Variants in CNP observed in about 807,000 individuals in gnomAD.
CNP encodes the protein 2',3'-cyclic-nucleotide 3'-phosphodiesterase.
A neutral mutation model predicts 37.9 loss-of-function variants in CNP; 8 were observed. That is an observed-to-expected ratio of 0.21 (90% CI 0.12 to 0.38). CNP has a LOEUF of 0.38. Ranked by LOEUF, CNP falls within the 10% of genes least tolerant of loss-of-function variation. The pLI is 1.00. For synonymous variants in CNP, 237 were observed against 238.3 expected (o/e 0.99, Z 0.05); for missense variants, 457 against 551.0 (o/e 0.83, Z 1.71).
intron 1 of CNP, 103 bp from the exon 2 acceptor site, chr17:41,967,964 GC>G (rs2050927768): frequency 6.6e-7 from 1 of 1,520,250 alleles, no homozygotes; most frequent in African/African-American, 1.4e-5. Context: ...GTCCAGCACT[GC>G]CCCGCTTGGG....
In CNP at chr17:41,976,542, C is replaced by G. The variant is rs2051083895; in HGVS notation, c.*2618C>G. 4.7e-6 allele frequency: 3 copies of G among 636,234 alleles called. No homozygotes were observed. Among genetic ancestry groups the G allele is most frequent in the Middle Eastern group, 2.5e-4 (1 of 3,956 alleles). 39.4% of individuals were successfully genotyped at this position (636,234 alleles called of 1,614,324 possible). On this transcript the variant is annotated 3_prime_UTR_variant, in exon 4 of 4. Coordinates refer to ENST00000393892, the MANE Select transcript of CNP (RefSeq NM_033133.5). ...CTCCCTGTCCACCCCCGCCTCCCTC[C>G]CCTGCCCTCGGTCTTCGGCATTGGT...
In CNP at chr17:41,971,983, T is replaced by C. The variant is rs2050997381; in HGVS notation, c.768T>C (p.Phe256=). ...GCGTGCTGCATTGCACAACCAAGTT[T>C]TGTGACTACGGGAAGGCTCCCGGGG... ...PPGVLHCTTK[F]CDYGKAPGAE... is the part of the protein sequence containing the mutation. The change falls in exon 3 of 4, where the codon TTT becomes TTC. Residue 256 remains phenylalanine, a synonymous_variant. Coordinates refer to ENST00000393892, the MANE Select transcript of CNP (RefSeq NM_033133.5). 4 of 1,613,748 alleles carry C rather than the reference T, an allele frequency of 2.5e-6. No individual in the cohort carries two copies. The highest frequency in any genetic ancestry group is 3.4e-6 in the Non-Finnish European group (4 of 1,179,912).
At position 41,977,225 on chromosome 17, in the gene CNP, G is replaced by C. The variant is rs1555645033; in HGVS notation, c.*3301G>C. 7.7e-6 allele frequency: 12 copies of C among 1,562,466 alleles called. No individual in the cohort carries two copies. Among genetic ancestry groups the C allele is most frequent in the Non-Finnish European group, 1.0e-5 (12 of 1,152,808 alleles). On this transcript the variant is annotated 3_prime_UTR_variant, in exon 4 of 4. Transcript: ENST00000393892. ...AGAGGCAATGAGTGTGTTGGCTTGT[G>C]ATCTGGGAACTCCCAAGAACAGCAG...
chr17:41,967,998 G>C, intron 1 of CNP, 70 bp from the exon 2 acceptor site: 2 of 1,554,092 alleles, frequency 1.3e-6, no homozygotes, highest in Non-Finnish European at 1.7e-6. Flanking sequence ...ACCAGTCTAG[G>C]GACTAGGGGT....
At chr17:41,969,064 G>GT (rs2144560428) in intron 2 of CNP, among the ~76,000 whole-genome samples, 1 of 152,286 alleles carries the variant, frequency 6.6e-6, no homozygotes, top group South Asian at 2.1e-4. Flanking sequence ...AATTACTGTA[G>GT]TAACAGGAAA....
At position 41,975,270 on chromosome 17, in the gene CNP, C is replaced by G. The variant is rs782182093; in HGVS notation, c.*1346C>G. On this transcript the variant is annotated 3_prime_UTR_variant, in exon 4 of 4. Coordinates refer to ENST00000393892, the MANE Select transcript of CNP (RefSeq NM_033133.5). ...GCTTTGTCCCACAGCTTGGGGCCAT[C>G]GGTCCTGTCTCCCCTCTGCTGGCCG... is the stretch of plus-strand genomic sequence containing the variant. The G allele has an allele frequency of 6.6e-6, 1 of 152,666 alleles. No homozygotes were observed. Among genetic ancestry groups the G allele is most frequent in the African/African-American group, 2.4e-5 (1 of 41,464 alleles). 9.5% of individuals were successfully genotyped at this position (152,666 alleles called of 1,614,324 possible). A position where few individuals can be genotyped will look rare whatever the true frequency, so the allele number is the denominator to read the frequency against.
At position 41,967,958 on chromosome 17, in the gene CNP, A is replaced by G. The variant is rs1337611259; in HGVS notation, c.4-110A>G. The G allele has an allele frequency of 3.3e-5, 50 of 1,513,154 alleles. No individual in the cohort carries two copies. The African/African-American group carries it at 6.1e-4, about 19-fold the overall frequency. 93.7% of individuals were successfully genotyped at this position (1,513,154 alleles called of 1,614,324 possible). On this transcript the variant is annotated intron_variant, in intron 1 of 3. Transcript: ENST00000393892. ...CCGGACCGAAAGGGAAAGAAGGTCC[A>G]GCACTGCCCCGCTTGGGAAGGCACC...
In CNP at chr17:41,975,294, C is replaced by G. The variant is rs936489934; in HGVS notation, c.*1370C>G. ...TCGGTCCTGTCTCCCCTCTGCTGGC[C>G]GGGCACAGCTGTGGTGAGGTTGGGC... On this transcript the variant is annotated 3_prime_UTR_variant, in exon 4 of 4. Coordinates refer to ENST00000393892, the MANE Select transcript of CNP (RefSeq NM_033133.5). 1 of 152,668 alleles carries G rather than the reference C, an allele frequency of 6.6e-6. No individual in the cohort carries two copies. Among genetic ancestry groups the G allele is most frequent in the African/African-American group, 2.4e-5 (1 of 41,424 alleles). The allele number at this position is 152,668 out of a possible 1,614,324, so 9.5% of individuals were successfully genotyped here. A position where few individuals can be genotyped will look rare whatever the true frequency, so the allele number is the denominator to read the frequency against.
Position 41,973,618 on chromosome 17 carries a change from T to C in CNP, c.960T>C (p.Thr320=). Residue 320 remains threonine, a synonymous_variant, in exon 4 of 4, where the codon ACT becomes ACC. Transcript: ENST00000393892. ...GTGATGTGGACAAGCTGTCACCCAC[T>C]GACAACCTGCCGCGGGGGAGCCGCG... ...WPSDVDKLSP[T]DNLPRGSRAH... 6.2e-7 allele frequency: 1 copy of C among 1,614,186 alleles called. No homozygotes were observed. Among genetic ancestry groups the C allele is most frequent in the Non-Finnish European group, 8.5e-7 (1 of 1,180,050 alleles).
At chr17:41,972,462 A>T (rs1283863054) in intron 3 of CNP, among the ~76,000 whole-genome samples, 1 of 152,090 alleles carries the variant, frequency 6.6e-6, no homozygotes, top group Non-Finnish European at 1.5e-5. Flanking sequence ...GGAGTTTCAT[A>T]CGATAATGAA....
rs1362162040 is a variant in CNP, at chr17:41,968,607, G to A, written c.543G>A (p.Leu181=). Reference sequence around the variant, plus strand: ...ACCTGAAGAAGCTGAAGCCTGGGCTGGAGAAGGACTTCCTGCCGCTCTACT... The same window carrying A: ...ACCTGAAGAAGCTGAAGCCTGGGCTAGAGAAGGACTTCCTGCCGCTCTACT... ...ADDLKKLKPG[L]EKDFLPLYFG... Residue 181 remains leucine (L), a synonymous_variant, in exon 2 of 4, where the codon CTG becomes CTA. Transcript: ENST00000393892. This position sits in a 1 kb window ranked among gnomAD's most constrained non-coding sequence, Gnocchi z 4.8. The A allele has an allele frequency of 3.7e-6, 6 of 1,614,040 alleles. No homozygotes were observed. The highest frequency in any genetic ancestry group is 4.2e-6 in the Non-Finnish European group (5 of 1,180,040).
intron 2 of CNP, among the ~76,000 whole-genome samples, chr17:41,969,300 C>T (rs1598101775): frequency 6.6e-6 from 1 of 152,248 alleles, no homozygotes; most frequent in Admixed American, 6.5e-5. Context: ...CTCCAGAGGA[C>T]ACAAGTCTCA....
At chr17:41,967,830 G>A (rs1453266107) in intron 1 of CNP, 1 of 1,370,956 alleles carries the variant, frequency 7.3e-7, no homozygotes, top group Non-Finnish European at 9.4e-7. Context: ...CCTCCAGCAC[G>A]TTTACCTTTC....
rs782455025 is a variant in CNP at position 41,968,076 on chromosome 17, C to T, written c.12C>T (p.Gly4=). 8 of 1,612,370 alleles carry T rather than the reference C, an allele frequency of 5.0e-6. No homozygotes were observed. The highest frequency in any genetic ancestry group is 6.8e-6 in the Non-Finnish European group (8 of 1,179,026). MNR[G]FSRKSHTFLP... ...TTCCCCTCCTTACACAGAACAGAGG[C>T]TTCTCCCGAAAAAGCCACACATTCC... Residue 4 remains glycine, a synonymous_variant, in exon 2 of 4, where the codon GGC becomes GGT. Coordinates refer to ENST00000393892, the MANE Select transcript of CNP (RefSeq NM_033133.5). This position sits in a 1 kb window ranked among gnomAD's most constrained non-coding sequence, Gnocchi z 4.8.
rs1458095475 is a variant in CNP at position 41,973,896 on chromosome 17, G to A, written c.1238G>A (p.Gly413Asp). The A allele has an allele frequency of 6.4e-7, 1 of 1,558,650 alleles. No homozygotes were observed. The highest frequency in any genetic ancestry group is 1.2e-5 in the South Asian group (1 of 81,834). Reference protein sequence around the residue: ...PVPTQGSRKGGALQSCTII With the variant: ...PVPTQGSRKGDALQSCTII ...CCCACGCAAGGTAGCCGGAAGGGGG[G>A]CGCCTTGCAGTCCTGCACCATCATA... The change falls in exon 4 of 4, where the codon GGC becomes GAC. Residue 413 changes from glycine to aspartate, a missense_variant. Transcript: ENST00000393892.
intron 3 of CNP, 89 bp downstream of exon 3, chr17:41,972,120 G>A: frequency 6.6e-7 from 1 of 1,512,860 alleles, no homozygotes; most frequent in African/African-American, 1.4e-5. Flanking sequence ...CCGGTGCCAG[G>A]CAGGGACCAA....
chr17:41,969,539 C>A (rs1387104566), intron 2 of CNP, among the ~76,000 whole-genome samples: 1 of 152,118 alleles, frequency 6.6e-6, no homozygotes, highest in Non-Finnish European at 1.5e-5. Flanking sequence ...TAGGCCATTT[C>A]TGGTTGCCTC....
At chr17:41,969,713 G>A (rs1007504845) in intron 2 of CNP, among the ~76,000 whole-genome samples, 8 of 152,086 alleles carry the variant, frequency 5.3e-5, no homozygotes, top group African/African-American at 1.7e-4. Flanking sequence ...GCACCACCAC[G>A]TCCAGCTAAT....
In CNP at chr17:41,968,824, A is replaced by T; in HGVS notation, c.676+84A>T. 1 of 1,429,982 alleles carries T rather than the reference A, an allele frequency of 7.0e-7. No individual in the cohort carries two copies. Among genetic ancestry groups the T allele is most frequent in the Non-Finnish European group, 9.3e-7 (1 of 1,072,578 alleles). 88.6% of individuals were successfully genotyped at this position (1,429,982 alleles called of 1,614,324 possible). A position where few individuals can be genotyped will look rare whatever the true frequency, so the allele number is the denominator to read the frequency against. On this transcript the variant is annotated intron_variant, in intron 2 of 3. Coordinates refer to ENST00000393892, the MANE Select transcript of CNP (RefSeq NM_033133.5). The surrounding 1 kb of genome is among the most constrained non-coding windows in gnomAD (Gnocchi z 4.8). ...AAAGGACCATCATTGTACTCAAAGG[A>T]TGGAGCACGAAGCAGCAGGAGGCAG...
Sources: gnomAD v4.1 joint callset for allele counts (sites outside exome capture counted in the v4.1 genomes callset) on GRCh38, gnomAD v4.1.1 for gene constraint, Gnocchi (gnomAD v3.1) non-coding constraint, MANE v1.5 for transcripts, NCBI Gene and HGNC (gene_info 2026-07-23, HGNC 2026-07-21) for gene names.